ZNF783: variants seen among roughly 807,000 people sequenced by gnomAD.
ZNF783 encodes the protein zinc finger protein 783.
ZNF783 carries 25 observed loss-of-function variants against 31.3 expected under a neutral mutation model. That is an observed-to-expected ratio of 0.80 (90% CI 0.58 to 1.11). ZNF783 has a LOEUF of 1.11. ZNF783 is among the 50% of genes most tolerant of loss of function. The pLI is 0.00. For missense variants in ZNF783, 797 were observed against 760.0 expected (o/e 1.05, Z -0.57); for synonymous variants, 369 against 319.1 (o/e 1.16, Z -1.66).
chr7:149,262,277 C>T lies in ZNF783; in HGVS notation c.-57C>T. 1 of 1,327,320 alleles carries T rather than the reference C, an allele frequency of 7.5e-7. No homozygotes were observed. 82.2% of individuals were successfully genotyped at this position (1,327,320 alleles called of 1,614,324 possible). On this transcript the variant is annotated 5_prime_UTR_variant, in exon 1 of 6. Transcript: ENST00000434415. Reference sequence around the variant, plus strand: ...GCTTCCGCCGTCGCTGCCGCGCCGCCCCGGGCCCGACAGGCCGGGTCCAGG... The same window carrying T: ...GCTTCCGCCGTCGCTGCCGCGCCGCTCCGGGCCCGACAGGCCGGGTCCAGG...
chr7:149,274,718 G>A (rs999409607), intron 4 of ZNF783, among the ~76,000 whole-genome samples: 6 of 152,090 alleles, frequency 3.9e-5, no homozygotes, highest in African/African-American at 7.2e-5. Flanking sequence ...TAGATGTATC[G>A]GTTTATTTCT....
rs916874158 is a variant in ZNF783 at position 149,272,798 on chromosome 7, T to C, written c.673+5576T>C. On this transcript the variant is annotated intron_variant, in intron 4 of 5. Coordinates refer to ENST00000434415, the MANE Select transcript of ZNF783 (RefSeq NM_001195220.2). The stretch of plus-strand genomic sequence containing the variant: ...TGTACAATTAAATTATTGTTGACTG[T>C]AGTCACCCTGTTATGCTATCACATG... Among the ~76,000 whole-genome samples the C allele has an allele frequency of 5.3e-5, 8 of 152,352 alleles. No individual in the cohort carries two copies. The South Asian group carries it at 1.4e-3, about 28-fold the overall frequency.
intron 4 of ZNF783, chr7:149,277,201 G>A (rs1474211522): frequency 6.6e-6 from 1 of 152,196 alleles, no homozygotes; most frequent in Non-Finnish European, 1.5e-5. Context: ...TTAAGTTTAG[G>A]AAGATCCAGC....
chr7:149,281,647 T>C lies in ZNF783; in HGVS notation c.945T>C (p.His315=), dbSNP rs751569410. 3.2e-6 allele frequency: 5 copies of C among 1,540,314 alleles called. No individual in the cohort carries two copies. The highest frequency in any genetic ancestry group is 2.4e-5 in the East Asian group (1 of 42,306). Residue 315 remains histidine (H), a synonymous_variant, in exon 6 of 6, where the codon CAT becomes CAC. Coordinates refer to ENST00000434415, the MANE Select transcript of ZNF783 (RefSeq NM_001195220.2). ...PRNRPGGPSR[H]QAQGMPRVRA... is the part of the protein sequence containing the mutation. Reference sequence around the variant, plus strand: ...ACAGGCCTGGGGGCCCCAGCCGTCATCAGGCCCAGGGCATGCCCAGGGTGC... The same window carrying C: ...ACAGGCCTGGGGGCCCCAGCCGTCACCAGGCCCAGGGCATGCCCAGGGTGC...
chr7:149,268,525 G>T (rs1023961824), intron 4 of ZNF783, among the ~76,000 whole-genome samples: 1 of 152,138 alleles, frequency 6.6e-6, no homozygotes, highest in African/African-American at 2.4e-5. Flanking sequence ...GCATACACCT[G>T]CGGGTTTGTT....
chr7:149,267,627 C>T (rs1293621770), intron 4 of ZNF783, among the ~76,000 whole-genome samples: 1 of 152,120 alleles, frequency 6.6e-6, no homozygotes, highest in Non-Finnish European at 1.5e-5. Flanking sequence ...GAAACCCCTT[C>T]TCTAGTAAAA....
At chr7:149,280,811 A>G (rs1469604026) in intron 5 of ZNF783, among the ~76,000 whole-genome samples, 2 of 152,176 alleles carry the variant, frequency 1.3e-5, no homozygotes, top group African/African-American at 4.8e-5. Flanking sequence ...TCACGTCTCC[A>G]GCACATTGCT....
Position 149,283,747 on chromosome 7 carries a change from G to A in ZNF783, c.*1404G>A, listed in dbSNP as rs1229895890. The stretch of plus-strand genomic sequence containing the variant: ...AGTCTCATGTTCCTCTTCTGTCAAA[G>A]GGGTCATGGCCCCAGTGTGTCCTAC... On this transcript the variant is annotated 3_prime_UTR_variant, in exon 6 of 6. Coordinates refer to ENST00000434415, the MANE Select transcript of ZNF783 (RefSeq NM_001195220.2). The A allele has an allele frequency of 1.3e-5, 2 of 152,262 alleles. No individual in the cohort carries two copies. The highest frequency in any genetic ancestry group is 4.8e-5 in the African/African-American group (2 of 41,464). 9.4% of individuals were successfully genotyped at this position (152,262 alleles called of 1,614,324 possible).
rs549724527 is a variant in ZNF783 at position 149,279,458 on chromosome 7, T to G, written c.802+931T>G. 2.0e-5 allele frequency among the ~76,000 whole-genome samples: 3 copies of G among 152,220 alleles called. No homozygotes were observed. The East Asian group carries it at 5.8e-4, about 29-fold the overall frequency. On this transcript the variant is annotated intron_variant, in intron 5 of 5. Coordinates refer to ENST00000434415, the MANE Select transcript of ZNF783 (RefSeq NM_001195220.2). The stretch of plus-strand genomic sequence containing the variant: ...AGCTCTTGTCTCACCTCTGAAGCCC[T>G]CGGGACAGAAGCCCTAGGCCTCCTT...
intron 5 of ZNF783, among the ~76,000 whole-genome samples, chr7:149,281,103 GTTCA>G (rs1453441158): frequency 6.6e-6 from 1 of 152,318 alleles, no homozygotes; most frequent in Non-Finnish European, 1.5e-5. Context: ...GGCCCCTGGG[GTTCA>G]TTGTCTTTCA....
chr7:149,262,550 G>A (rs994724829), intron 1 of ZNF783, among the ~76,000 whole-genome samples, 193 bp downstream of exon 1: 1 of 152,218 alleles, frequency 6.6e-6, no homozygotes, highest in Non-Finnish European at 1.5e-5. Flanking sequence ...CAGGCCCGGC[G>A]GGCGGGGCCC....
intron 5 of ZNF783, among the ~76,000 whole-genome samples, chr7:149,279,925 C>A (rs937086315): frequency 2.6e-5 from 4 of 152,130 alleles, no homozygotes; most frequent in East Asian, 3.9e-4. Context: ...ACCTTTCCCC[C>A]CTTTCTATTC....
chr7:149,266,715 G>A lies in ZNF783; in HGVS notation c.405G>A (p.Lys135=), dbSNP rs761353217. 6.2e-7 allele frequency: 1 copy of A among 1,613,930 alleles called. No homozygotes were observed. Among genetic ancestry groups the A allele is most frequent in the Admixed American group, 1.7e-5 (1 of 60,014 alleles). The change falls in exon 2 of 6, where the codon AAG becomes AAA. Residue 135 remains lysine, a synonymous_variant. Coordinates refer to ENST00000434415, the MANE Select transcript of ZNF783 (RefSeq NM_001195220.2). ...FWILRLPPGS[K]GEAPKVPVTF... is the part of the protein sequence containing the mutation. Reference sequence around the variant, plus strand: ...TCTTGCGGCTGCCCCCGGGCAGCAAGGGGGAGGCCCCCAAGGTAGCACCGG... The same window carrying A: ...TCTTGCGGCTGCCCCCGGGCAGCAAAGGGGAGGCCCCCAAGGTAGCACCGG...
chr7:149,278,865 C>T (rs908586603), intron 5 of ZNF783, among the ~76,000 whole-genome samples: 3 of 152,088 alleles, frequency 2.0e-5, no homozygotes, highest in African/African-American at 4.8e-5. Context: ...GTCCCATCCA[C>T]GGGGCAGTGT....
rs765789035 is a variant in ZNF783, at chr7:149,281,819, G to A, written c.1117G>A (p.Glu373Lys). 9.3e-6 allele frequency: 14 copies of A among 1,511,638 alleles called. No individual in the cohort carries two copies. The highest frequency in any genetic ancestry group is 1.2e-5 in the Non-Finnish European group (14 of 1,140,324). 93.6% of individuals were successfully genotyped at this position (1,511,638 alleles called of 1,614,324 possible). Reference sequence around the variant, plus strand: ...GACGATTCATCAGCGGACCCATGTGGAGGAGGGGCGGCAGGAGGCCCCCGG... The same window carrying A: ...GACGATTCATCAGCGGACCCATGTGAAGGAGGGGCGGCAGGAGGCCCCCGG... ...NLTIHQRTHVEEGRQEAPGRS... is the reference protein window; with the variant it reads ...NLTIHQRTHVKEGRQEAPGRS... Residue 373 changes from glutamate (E) to lysine (K), a missense_variant, in exon 6 of 6, where the codon GAG becomes AAG. By Grantham distance (56) the Glu-to-Lys change is moderately conservative. Transcript: ENST00000434415.
chr7:149,269,626 T>C (rs73479977), intron 4 of ZNF783, among the ~76,000 whole-genome samples: 3,281 of 152,336 alleles, frequency 0.022, 120 homozygotes, highest in African/African-American at 0.075. Context: ...CTAGCTTCAT[T>C]CTTCTGCACA....
At chr7:149,272,575 T>A (rs1797231705) in intron 4 of ZNF783, among the ~76,000 whole-genome samples, 1 of 152,078 alleles carries the variant, frequency 6.6e-6, no homozygotes, top group Non-Finnish European at 1.5e-5. Flanking sequence ...TTTTTTTCCT[T>A]TAGAACTCTT....
chr7:149,262,439 A>G (rs2129524618), intron 1 of ZNF783, 82 bp downstream of exon 1: 1 of 1,129,878 alleles, frequency 8.9e-7, no homozygotes, highest in East Asian at 3.9e-5. Context: ...TGGCCGCGCG[A>G]GGCCGCGGGG....
intron 4 of ZNF783, 121 bp from the exon 5 acceptor site, chr7:149,278,278 G>C: frequency 6.7e-7 from 1 of 1,500,576 alleles, no homozygotes; most frequent in Non-Finnish European, 8.9e-7. Flanking sequence ...TCACTATCAT[G>C]CCCTGTGCTG....
Sources: allele counts gnomAD v4.1 joint callset (sites outside exome capture counted in the v4.1 genomes callset), GRCh38; gene constraint gnomAD v4.1.1; transcripts MANE v1.5; gene names NCBI Gene and HGNC (gene_info 2026-07-23, HGNC 2026-07-21).